DCLK1: variants seen among roughly 807,000 people sequenced by gnomAD.
DCLK1 encodes serine/threonine-protein kinase DCLK1.
In DCLK1, 16 loss-of-function variants were observed where a neutral mutation model predicts 86.2. The observed-to-expected ratio is 0.19, with a 90% CI of 0.13 to 0.28. The LOEUF is 0.28. Among genes scored for constraint, DCLK1 ranks in the 10% least tolerant of loss-of-function variants. The probability of loss-of-function intolerance (pLI) is 1.00; values close to 1 mark genes in which losing one functional copy is unlikely to be tolerated. For missense variants in DCLK1, 590 were observed against 940.2 expected, an observed-to-expected ratio of 0.63 and a Z score of 4.87; for synonymous variants, 369 against 370.5, an observed-to-expected ratio of 1.00 and a Z score of 0.05.
intron 5 of DCLK1, among the ~76,000 whole-genome samples, chr13:35,861,809 G>A (rs1324494011): frequency 6.6e-6 from 1 of 151,630 alleles, no homozygotes; most frequent in Non-Finnish European, 1.5e-5. Flanking sequence ...GGTAGATCAC[G>A]AGGTCAGAAG....
chr13:35,793,485 G>GA lies in DCLK1; in HGVS notation c.1945-7dup, dbSNP rs763724666. The GA allele has an allele frequency of 3.2e-6, 5 of 1,580,864 alleles. No individual in the cohort carries two copies. Among genetic ancestry groups the GA allele is most frequent in the Non-Finnish European group, 2.6e-6 (3 of 1,165,186 alleles). On this transcript the variant is annotated splice_region_variant and splice_polypyrimidine_tract_variant and intron_variant, in intron 15 of 16. Transcript: ENST00000360631. ...TTTTCTGGGAGGCCATCATCCTGGA[G>GA]AAAAAGAAATAAAGAGAAGAGAAAA...
At position 35,804,419 on chromosome 13, in the gene DCLK1, T is replaced by A. The variant is rs549687994; in HGVS notation, c.1944+1280A>T. Reference sequence around the variant, plus strand: ...AAAGTACTGGGATTACAGGCATGAGTCACTGTGCCCAGCCTACTATTATTA... The same window carrying A: ...AAAGTACTGGGATTACAGGCATGAGACACTGTGCCCAGCCTACTATTATTA... On this transcript the variant is annotated intron_variant, in intron 15 of 16. Transcript: ENST00000360631. Among the ~76,000 whole-genome samples the A allele has an allele frequency of 2.7e-5, 4 of 148,274 alleles. No homozygotes were observed. The South Asian group carries it at 8.6e-4, about 32-fold the overall frequency.
At chr13:35,894,998 A>T (rs975772878) in intron 4 of DCLK1, among the ~76,000 whole-genome samples, 3 of 152,150 alleles carry the variant, frequency 2.0e-5, no homozygotes, top group Non-Finnish European at 4.4e-5. Flanking sequence ...CCAGGCTGGA[A>T]TGCAGTTGTG....
At chr13:36,112,708 A>G (rs1207295266) in intron 2 of DCLK1, among the ~76,000 whole-genome samples, 1 of 152,248 alleles carries the variant, frequency 6.6e-6, no homozygotes, top group Non-Finnish European at 1.5e-5. Flanking sequence ...TGTAAAGCCC[A>G]GTAAAGTTCC....
intron 3 of DCLK1, among the ~76,000 whole-genome samples, chr13:36,056,893 CAA>C (rs766434117): frequency 5.9e-5 from 6 of 101,400 alleles, no homozygotes; most frequent in Admixed American, 2.4e-4. Flanking sequence ...AAGACTGTGA[CAA>C]AAAAAAAAAA....
intron 3 of DCLK1, among the ~76,000 whole-genome samples, chr13:36,005,550 A>G (rs1880910664): frequency 6.6e-6 from 1 of 152,248 alleles, no homozygotes; most frequent in South Asian, 2.1e-4. Context: ...TTCGAAGGAT[A>G]TCAAGTAACA....
intron 3 of DCLK1, among the ~76,000 whole-genome samples, chr13:35,954,725 A>T (rs112282780): frequency 8.3e-4 from 127 of 152,254 alleles, no homozygotes; most frequent in Non-Finnish European, 1.7e-3. Context: ...GGCCAGAGGA[A>T]AATATGTGAA....
chr13:36,092,453 A>C (rs577431809), intron 3 of DCLK1, among the ~76,000 whole-genome samples: 1 of 150,842 alleles, frequency 6.6e-6, no homozygotes, highest in Non-Finnish European at 1.5e-5. Flanking sequence ...CCTGCTGCCC[A>C]AGGCATGTCT....
intron 3 of DCLK1, among the ~76,000 whole-genome samples, chr13:36,071,007 C>A (rs1883955024): frequency 6.6e-6 from 1 of 152,090 alleles, no homozygotes; most frequent in African/African-American, 2.4e-5. Context: ...AAGATACTTG[C>A]TTGGCCTCCA....
intron 3 of DCLK1, among the ~76,000 whole-genome samples, chr13:36,036,400 G>A (rs191837922): frequency 2.0e-5 from 3 of 152,312 alleles, no homozygotes; most frequent in East Asian, 3.9e-4. Context: ...CCTGGGCAAA[G>A]CCAGGAATCC....
rs372467943 is a variant in DCLK1, at chr13:35,860,324, G to A, written c.941-5731C>T. On this transcript the variant is annotated intron_variant, in intron 5 of 16. Transcript: ENST00000360631. ...AGGAAAAAAAATGCAGGGGGTGGGG[G>A]GTGCATAGGGAATCAGTTGAGACCA... Among the ~76,000 whole-genome samples, 587 of 151,636 alleles carry A rather than the reference G, an allele frequency of 3.9e-3. 6 individuals carry two copies. The highest frequency in any genetic ancestry group is 0.013 in the African/African-American group (542 of 41,174).
chr13:35,976,357 GC>G (rs1879328405), intron 3 of DCLK1, among the ~76,000 whole-genome samples: 1 of 151,896 alleles, frequency 6.6e-6, no homozygotes, highest in African/African-American at 2.4e-5. Flanking sequence ...TCAGCATCTT[GC>G]CGAGGCTGGC....
intron 3 of DCLK1, among the ~76,000 whole-genome samples, chr13:35,979,076 C>T (rs1879509036): frequency 6.6e-6 from 1 of 152,152 alleles, no homozygotes; most frequent in Non-Finnish European, 1.5e-5. Flanking sequence ...TAATAACTTG[C>T]CAAGCTGTTC....
chr13:35,997,714 C>T (rs1880533252), intron 3 of DCLK1, among the ~76,000 whole-genome samples: 2 of 152,110 alleles, frequency 1.3e-5, no homozygotes, highest in South Asian at 4.1e-4. Context: ...AAAAGAACTT[C>T]CCCCCAAACC....
chr13:36,103,271 C>T (rs189923195), intron 3 of DCLK1, among the ~76,000 whole-genome samples: 57 of 151,876 alleles, frequency 3.8e-4, no homozygotes, highest in African/African-American at 1.0e-3. Context: ...TGTGGTGGCA[C>T]GCGCCTGTAA....
chr13:35,861,791 C>CTCTTACTGTTCTTCCCTGCTTCTG (rs1256592998), intron 5 of DCLK1, among the ~76,000 whole-genome samples: 1 of 151,794 alleles, frequency 6.6e-6, no homozygotes, highest in Non-Finnish European at 1.5e-5. Context: ...CTTTGGGAGG[C>CTCTTACTGTTCTTCCCTGCTTCTG]CGAGGCAGGT....
intron 6 of DCLK1, among the ~76,000 whole-genome samples, chr13:35,843,068 C>T (rs996280772): frequency 3.3e-5 from 5 of 152,180 alleles, no homozygotes; most frequent in African/African-American, 9.7e-5. Flanking sequence ...TTACAACCAA[C>T]GGATGCTGAA....
rs148713354 is a variant in DCLK1, at chr13:35,841,023, A to C, written c.1036-1847T>G. Among the ~76,000 whole-genome samples, 274 of 152,262 alleles carry C rather than the reference A, an allele frequency of 1.8e-3. 4 individuals carry two copies. The highest frequency in any genetic ancestry group is 6.4e-3 in the African/African-American group (264 of 41,536). ...TTGCTGCAGACATAATGGTGTTCCA[A>C]ACAGAAAAGCACTAAGTAAATGTCT... On this transcript the variant is annotated intron_variant, in intron 6 of 16. Transcript: ENST00000360631.
At chr13:35,782,184 T>C (rs1358039700) in intron 16 of DCLK1, among the ~76,000 whole-genome samples, 2 of 152,154 alleles carry the variant, frequency 1.3e-5, no homozygotes, top group African/African-American at 2.4e-5. Context: ...ATCTTAAACA[T>C]AGGCTTCTCC....
Sources: allele counts gnomAD v4.1 joint callset (sites outside exome capture counted in the v4.1 genomes callset), GRCh38; gene constraint gnomAD v4.1.1; transcripts MANE v1.5; gene names NCBI Gene and HGNC (gene_info 2026-07-23, HGNC 2026-07-21).